The following NPHP1 variants were observed in gnomAD, a reference collection of about 807,000 sequenced individuals.
The protein encoded by NPHP1 is nephrocystin-1.
Under a neutral mutation model 90.4 loss-of-function variants are expected in NPHP1, and 70 were observed. The observed-to-expected ratio is 0.77, with a 90% CI of 0.64 to 0.95. The LOEUF (loss-of-function observed/expected upper bound fraction) is 0.95, where lower values mean the gene tolerates loss of function less well. Ranked by LOEUF, NPHP1 falls within the 40% of genes least tolerant of loss-of-function variation. NPHP1 has a pLI of 0.00. For missense variants in NPHP1, 764 were observed against 795.9 expected (o/e 0.96, Z 0.48); for synonymous variants, 256 against 271.7 (o/e 0.94, Z 0.57).
In NPHP1 at chr2:110,164,326, C is replaced by T. The variant is rs1481027325; in HGVS notation, c.771+362G>A. ...TGTTGGGATTACCAGTGTGAATCAC[C>T]ATGCCTGGCCAATTTCTTACTTTTT... On this transcript the variant is annotated intron_variant, in intron 8 of 19. Transcript: ENST00000445609. 4.9e-5 allele frequency: 29 copies of T among 593,350 alleles called. No individual in the cohort carries two copies. In the Admixed American group the frequency reaches 8.6e-4, roughly 18 times the overall value. The allele number at this position is 593,350 out of a possible 1,614,324, so 36.8% of individuals were successfully genotyped here.
rs199535400 is a variant in NPHP1 at position 110,129,279 on chromosome 2, A to G, written c.1643-20T>C. The G allele has an allele frequency of 6.3e-7, 1 of 1,589,024 alleles. No individual in the cohort carries two copies. The highest frequency in any genetic ancestry group is 1.1e-5 in the South Asian group (1 of 90,176). On this transcript the variant is annotated intron_variant, in intron 17 of 19. Transcript: ENST00000445609. ...TTAAATCTGAAATGCAAAACAACAG[A>G]AAGAATTTTATGCAAACTTCACTCA...
intron 16 of NPHP1, among the ~76,000 whole-genome samples, chr2:110,136,070 A>C (rs1559049863): frequency 6.6e-6 from 1 of 152,186 alleles, no homozygotes; most frequent in Non-Finnish European, 1.5e-5. Flanking sequence ...AATGACAAAA[A>C]CCACATGATT....
At chr2:110,177,753 T>G (rs574231404) in intron 4 of NPHP1, among the ~76,000 whole-genome samples, 1 of 152,144 alleles carries the variant, frequency 6.6e-6, no homozygotes, top group African/African-American at 2.4e-5. Flanking sequence ...AATTTTTTTT[T>G]TTTTTAATAG....
intron 4 of NPHP1, among the ~76,000 whole-genome samples, chr2:110,170,202 T>C (rs1055690419): frequency 6.6e-6 from 1 of 152,118 alleles, no homozygotes; most frequent in Non-Finnish European, 1.5e-5. Context: ...AGCTGAGTCA[T>C]GTATGTGAGA....
chr2:110,196,881 A>C (rs1432049284), intron 2 of NPHP1, among the ~76,000 whole-genome samples: 1 of 152,166 alleles, frequency 6.6e-6, no homozygotes, highest in East Asian at 1.9e-4. Context: ...GGAAACCATC[A>C]TACTGAGCAA....
chr2:110,142,437 GCTCAAGCAATC>G (rs112530602), intron 16 of NPHP1, among the ~76,000 whole-genome samples: 45,488 of 150,990 alleles, frequency 0.3, 7,486 homozygotes, highest in East Asian at 0.56. Context: ...AACCTCTTGG[GCTCAAGCAATC>G]CTCAAGCAAT....
chr2:110,178,789 A>G (rs112065122), intron 3 of NPHP1: 6 of 461,732 alleles, frequency 1.3e-5, no homozygotes, highest in East Asian at 3.9e-5. Context: ...CTTGCTAAGT[A>G]TTATAGACCT....
chr2:110,202,625 T>C, intron 1 of NPHP1: 1 of 248,386 alleles, frequency 4.0e-6, no homozygotes, highest in South Asian at 4.8e-5. Flanking sequence ...ATAGTTTCCT[T>C]CTAAAACTTT....
chr2:110,154,504 G>A (rs1385915234), intron 11 of NPHP1, among the ~76,000 whole-genome samples: 1 of 152,154 alleles, frequency 6.6e-6, no homozygotes, highest in Non-Finnish European at 1.5e-5. Context: ...GAAAATGTGG[G>A]AAAGTTTGGA....
At chr2:110,202,444 T>G (rs1015443806) in intron 1 of NPHP1, 2 of 455,714 alleles carry the variant, frequency 4.4e-6, no homozygotes, top group African/African-American at 2.0e-5. Context: ...AGACACCGAA[T>G]AGAAAATCTG....
chr2:110,124,578 C>CACCGAGATCTACA, intron 19 of NPHP1: 10 of 214,830 alleles, frequency 4.7e-5, no homozygotes, highest in South Asian at 8.6e-5. Context: ...GATGTCAGAC[C>CACCGAGATCTACA]CTTCACAGAT....
chr2:110,170,941 G>A (rs767208828), intron 4 of NPHP1, among the ~76,000 whole-genome samples: 8 of 152,146 alleles, frequency 5.3e-5, no homozygotes, highest in Non-Finnish European at 8.8e-5. Context: ...AGAGGTACGC[G>A]GAATGTAGCC....
rs565543920 is a variant in NPHP1 at position 110,163,458 on chromosome 2, T to C, written c.772-323A>G. On this transcript the variant is annotated intron_variant, in intron 8 of 19. Coordinates refer to ENST00000445609, the MANE Select transcript of NPHP1 (RefSeq NM_001128178.3). ...CTTCCATTTCACAGGTAAGTTAATG[T>C]CTATTGGCAAATCACATGCACTGAA... is the stretch of plus-strand genomic sequence containing the variant. 12 of 347,884 alleles carry C rather than the reference T, an allele frequency of 3.4e-5. No individual in the cohort carries two copies. The East Asian group carries it at 6.1e-4, about 18-fold the overall frequency. 21.5% of individuals were successfully genotyped at this position (347,884 alleles called of 1,614,324 possible).
intron 12 of NPHP1, among the ~76,000 whole-genome samples, chr2:110,149,667 G>C (rs1681320223): frequency 1.3e-5 from 2 of 152,164 alleles, no homozygotes; most frequent in Non-Finnish European, 2.9e-5. Flanking sequence ...AGACCTTGGA[G>C]GTAGACGAAA....
intron 16 of NPHP1, 93 bp downstream of exon 16, chr2:110,143,449 G>C (rs768842534): frequency 6.9e-6 from 6 of 866,304 alleles, no homozygotes; most frequent in Non-Finnish European, 1.2e-5. Flanking sequence ...TATAACAAAA[G>C]ATGACTAAAT....
intron 10 of NPHP1, among the ~76,000 whole-genome samples, 182 bp downstream of exon 10, chr2:110,161,421 T>C (rs569539604): frequency 2.0e-5 from 3 of 152,140 alleles, no homozygotes; most frequent in Non-Finnish European, 4.4e-5. Flanking sequence ...AGAAACAAGA[T>C]AAAGTCAAGG....
chr2:110,138,870 C>A (rs1029512030), intron 16 of NPHP1, among the ~76,000 whole-genome samples: 4 of 152,078 alleles, frequency 2.6e-5, no homozygotes, highest in Non-Finnish European at 5.9e-5. Flanking sequence ...AGTGTGGGCA[C>A]TCCTTTCCTT....
At chr2:110,170,105 C>A in intron 4 of NPHP1, 107 bp from the exon 5 acceptor site, 9 of 1,390,536 alleles carry the variant, frequency 6.5e-6, no homozygotes, top group Non-Finnish European at 9.1e-6. Flanking sequence ...TTGGAGCTGG[C>A]AAATAAAAGA....
In NPHP1 at chr2:110,124,080, C is replaced by G; in HGVS notation, c.1762-17G>C. On this transcript the variant is annotated splice_polypyrimidine_tract_variant and intron_variant, in intron 19 of 19. Transcript: ENST00000445609. ...TTTGTCTCTCTGGGAAAACACCACC[C>G]CCACAAATAACATTGTTATTTTTAA... is the stretch of plus-strand genomic sequence containing the variant. 6.2e-7 allele frequency: 1 copy of G among 1,613,550 alleles called. No homozygotes were observed.
Sources: allele counts gnomAD v4.1 joint callset (sites outside exome capture counted in the v4.1 genomes callset), GRCh38; gene constraint gnomAD v4.1.1; transcripts MANE v1.5; gene names NCBI Gene and HGNC (gene_info 2026-07-23, HGNC 2026-07-21).